GMDS: variants seen among roughly 807,000 people sequenced by gnomAD.
GMDS encodes GDP-mannose 4,6-dehydratase, also known as GDP-mannose 4,6 dehydratase.
In GMDS, 20 loss-of-function variants were observed where a neutral mutation model predicts 49.9. The observed-to-expected ratio is 0.40, with a 90% CI of 0.28 to 0.58. GMDS has a LOEUF of 0.58. Among genes scored for constraint, GMDS ranks in the 20% least tolerant of loss-of-function variants. The pLI is 0.42. For synonymous variants in GMDS, 177 were observed against 178.6 expected (o/e 0.99, Z 0.07); for missense variants, 362 against 481.4 (o/e 0.75, Z 2.32).
chr6:1,871,692 T>C (rs1162412524), intron 7 of GMDS, among the ~76,000 whole-genome samples: 1 of 152,266 alleles, frequency 6.6e-6, no homozygotes, highest in Non-Finnish European at 1.5e-5. Flanking sequence ...AATTCTGTCC[T>C]AAGCTGCTGT....
At chr6:1,671,823 C>T (rs1229326933) in intron 9 of GMDS, among the ~76,000 whole-genome samples, 1 of 152,016 alleles carries the variant, frequency 6.6e-6, no homozygotes, top group African/African-American at 2.4e-5. Flanking sequence ...CGCCACCACA[C>T]CCGGCTAATT....
intron 1 of GMDS, among the ~76,000 whole-genome samples, chr6:2,193,783 G>A (rs1481176237): frequency 2.0e-5 from 3 of 147,514 alleles, no homozygotes; most frequent in Admixed American, 2.0e-4. Flanking sequence ...GAGTGCAGTG[G>A]CGCGATCTCG....
Position 2,027,173 on chromosome 6 carries a change from G to A in GMDS, c.346-66207C>T, listed in dbSNP as rs141026597. On this transcript the variant is annotated intron_variant, in intron 4 of 10. Transcript: ENST00000380815. ...TTGTAGCATTCTGATCTTATGAAGCGAGGGAGAATGAAGTCCTTGGAGAAA... is the reference window on the plus strand; with the variant it reads ...TTGTAGCATTCTGATCTTATGAAGCAAGGGAGAATGAAGTCCTTGGAGAAA... Among the ~76,000 whole-genome samples the A allele has an allele frequency of 5.7e-3, 874 of 152,296 alleles. 7 individuals carry two copies. Among genetic ancestry groups the A allele is most frequent in the Non-Finnish European group, 7.0e-3 (475 of 68,024 alleles).
intron 9 of GMDS, among the ~76,000 whole-genome samples, chr6:1,647,595 G>A (rs570956565): frequency 1.3e-5 from 2 of 152,298 alleles, no homozygotes; most frequent in South Asian, 2.1e-4. Context: ...CAAGGTCAAG[G>A]GGACACAGAC....
At chr6:1,910,729 C>A (rs1761009340) in intron 7 of GMDS, among the ~76,000 whole-genome samples, 1 of 152,104 alleles carries the variant, frequency 6.6e-6, no homozygotes. Flanking sequence ...AAGCCTCAGT[C>A]TGAGGAAAGT....
At chr6:1,815,857 T>A (rs1041506620) in intron 7 of GMDS, among the ~76,000 whole-genome samples, 41 of 152,354 alleles carry the variant, frequency 2.7e-4, no homozygotes, top group African/African-American at 8.4e-4. Flanking sequence ...CTGATGTCAA[T>A]TCTTGTTTTC....
chr6:2,009,334 T>C (rs1767403045), intron 4 of GMDS, among the ~76,000 whole-genome samples: 2 of 152,180 alleles, frequency 1.3e-5, no homozygotes, highest in Non-Finnish European at 2.9e-5. Context: ...CCAAATCCCA[T>C]ACTACATCTA....
intron 1 of GMDS, among the ~76,000 whole-genome samples, chr6:2,177,078 G>A (rs747068038): frequency 6.6e-6 from 1 of 152,144 alleles, no homozygotes; most frequent in Non-Finnish European, 1.5e-5. Flanking sequence ...TACCAAGAAC[G>A]CAGTTGGAAC....
intron 7 of GMDS, among the ~76,000 whole-genome samples, chr6:1,884,360 A>C (rs1421822217): frequency 1.3e-5 from 2 of 152,230 alleles, no homozygotes; most frequent in African/African-American, 2.4e-5. Context: ...CAGAGTTCTA[A>C]GGGGAGGAAA....
chr6:1,998,216 T>C lies in GMDS; in HGVS notation c.346-37250A>G, dbSNP rs144884420. On this transcript the variant is annotated intron_variant, in intron 4 of 10. Transcript: ENST00000380815. ...GGAGTTATCATAGCTGTGAAAACAATTGAATGAAAGAGAAAGAATCATCAA... is the reference window on the plus strand; with the variant it reads ...GGAGTTATCATAGCTGTGAAAACAACTGAATGAAAGAGAAAGAATCATCAA... Among the ~76,000 whole-genome samples the C allele has an allele frequency of 2.7e-4, 41 of 152,186 alleles. 1 individual carries two copies. The highest frequency in any genetic ancestry group is 8.2e-4 in the African/African-American group (34 of 41,512).
At chr6:2,147,363 C>T (rs984018342) in intron 1 of GMDS, among the ~76,000 whole-genome samples, 2 of 152,166 alleles carry the variant, frequency 1.3e-5, no homozygotes, top group African/African-American at 2.4e-5. Context: ...CCCCCACTCA[C>T]ATACACGTTT....
chr6:2,233,549 G>C (rs1394621439), intron 1 of GMDS, among the ~76,000 whole-genome samples: 1 of 152,244 alleles, frequency 6.6e-6, no homozygotes, highest in Non-Finnish European at 1.5e-5. Flanking sequence ...GCTTGCCGTG[G>C]TGGCTTACAC....
intron 2 of GMDS, among the ~76,000 whole-genome samples, chr6:2,120,790 G>A (rs1291789352): frequency 1.3e-5 from 2 of 152,158 alleles, no homozygotes; most frequent in Non-Finnish European, 2.9e-5. Flanking sequence ...CCTTATGACA[G>A]GAAGAAATGC....
chr6:1,961,706 C>G (rs750898075), intron 4 of GMDS, among the ~76,000 whole-genome samples: 1 of 152,172 alleles, frequency 6.6e-6, no homozygotes, highest in Non-Finnish European at 1.5e-5. Context: ...GGCTCAAAAT[C>G]TTTGTCACTG....
chr6:1,737,606 ACAC>A (rs916465011), intron 8 of GMDS, among the ~76,000 whole-genome samples: 7 of 149,876 alleles, frequency 4.7e-5, no homozygotes, highest in African/African-American at 1.7e-4. Flanking sequence ...CACACCACAC[ACAC>A]CACAAACACA....
intron 4 of GMDS, among the ~76,000 whole-genome samples, chr6:1,997,342 T>C (rs1281762501): frequency 1.3e-5 from 2 of 151,876 alleles, no homozygotes; most frequent in African/African-American, 4.8e-5. Context: ...ACACCATCTC[T>C]ACTAAAAATA....
At chr6:1,692,740 T>C (rs1765218492) in intron 9 of GMDS, among the ~76,000 whole-genome samples, 1 of 152,264 alleles carries the variant, frequency 6.6e-6, no homozygotes, top group Non-Finnish European at 1.5e-5. Context: ...TTAAGTTCAA[T>C]CTGAGTGTCT....
chr6:1,682,097 G>A (rs868859683), intron 9 of GMDS, among the ~76,000 whole-genome samples: 2 of 151,882 alleles, frequency 1.3e-5, no homozygotes, highest in Non-Finnish European at 2.9e-5. Flanking sequence ...TCAGTATTGC[G>A]TATGTCTAGG....
intron 7 of GMDS, among the ~76,000 whole-genome samples, chr6:1,773,443 T>C (rs1768666108): frequency 6.6e-6 from 1 of 152,164 alleles, no homozygotes; most frequent in South Asian, 2.1e-4. Context: ...TGGTGCTAAA[T>C]CGTTTCACAA....
Sources: gnomAD v4.1 joint callset for allele counts (sites outside exome capture counted in the v4.1 genomes callset) on GRCh38, gnomAD v4.1.1 for gene constraint, MANE v1.5 for transcripts, NCBI Gene and HGNC (gene_info 2026-07-23, HGNC 2026-07-21) for gene names.